EXT2: variants seen among roughly 807,000 people sequenced by gnomAD.
The protein encoded by EXT2 is exostosin glycosyltransferase 2.
Under a neutral mutation model 81.6 loss-of-function variants are expected in EXT2, and 53 were observed. That is an observed-to-expected ratio of 0.65 (90% CI 0.52 to 0.82). EXT2 has a LOEUF of 0.82. EXT2 is among the 40% of genes least tolerant of loss of function. The probability of loss-of-function intolerance (pLI) is 0.00; values close to 1 mark genes in which losing one functional copy is unlikely to be tolerated. For missense variants in EXT2, 774 were observed against 910.2 expected (o/e 0.85, Z 1.93); for synonymous variants, 320 against 340.0 (o/e 0.94, Z 0.65).
intron 7 of EXT2, among the ~76,000 whole-genome samples, chr11:44,133,723 C>G (rs1010488987): frequency 6.6e-6 from 1 of 152,144 alleles, no homozygotes; most frequent in African/African-American, 2.4e-5. Context: ...GGATTTTACT[C>G]TCCCTAGATG....
chr11:44,171,791 G>C, intron 8 of EXT2, 49 bp downstream of exon 8: 1 of 1,612,086 alleles, frequency 6.2e-7, no homozygotes, highest in Non-Finnish European at 8.5e-7. Context: ...CAGCTGTCAG[G>C]GTGGGTGGAA....
intron 9 of EXT2, among the ~76,000 whole-genome samples, chr11:44,201,363 G>A (rs925887012): frequency 2.6e-5 from 4 of 152,206 alleles, no homozygotes; most frequent in Non-Finnish European, 4.4e-5. Flanking sequence ...AGATGATAGT[G>A]ATATAACCAT....
chr11:44,157,962 T>G (rs903795132), intron 7 of EXT2, among the ~76,000 whole-genome samples: 163 of 152,152 alleles, frequency 1.1e-3, no homozygotes, highest in African/African-American at 3.9e-3. Flanking sequence ...ACTGGGCCCT[T>G]CTCTTCAAGG....
chr11:44,113,385 A>G (rs1954173276), intron 3 of EXT2, among the ~76,000 whole-genome samples: 1 of 152,062 alleles, frequency 6.6e-6, no homozygotes, highest in Admixed American at 6.5e-5. Context: ...GTCCTGGGAG[A>G]GAATAACAGT....
intron 9 of EXT2, among the ~76,000 whole-genome samples, chr11:44,198,377 C>G (rs1176346647): frequency 2.0e-5 from 3 of 150,726 alleles, no homozygotes; most frequent in Non-Finnish European, 4.4e-5. Context: ...TGATGCTGTA[C>G]TTTCTCAAAA....
chr11:44,183,623 C>T (rs886148143), intron 8 of EXT2, among the ~76,000 whole-genome samples: 12 of 151,382 alleles, frequency 7.9e-5, no homozygotes, highest in African/African-American at 1.9e-4. Context: ...TGTTTTGTTT[C>T]GTTCATCAGG....
At position 44,107,893 on chromosome 11, in the gene EXT2, C is replaced by T. The variant is rs373148112; in HGVS notation, c.181C>T (p.Arg61Cys). The T allele has an allele frequency of 8.7e-6, 14 of 1,614,080 alleles. No homozygotes were observed. Among genetic ancestry groups the T allele is most frequent in the Non-Finnish European group, 1.1e-5 (13 of 1,180,048 alleles). ...ESSNDWNVEK[R>C]SIRDVPVVRL... ...CTCAAATGACTGGAATGTAGAGAAG[C>T]GCAGCATCCGTGATGTGCCGGTTGT... The change falls in exon 2 of 14, where the codon CGC (arginine) becomes TGC (cysteine). Residue 61 changes from arginine to cysteine, a missense_variant. This residue lies in a region of EXT2 where 626 missense variants were observed against 670.5 expected (regional missense o/e 0.93). Transcript: ENST00000533608.
chr11:44,178,736 C>T (rs1955192790), intron 8 of EXT2, among the ~76,000 whole-genome samples: 12 of 152,088 alleles, frequency 7.9e-5, no homozygotes, highest in Admixed American at 7.9e-4. Flanking sequence ...GAAAGCCTAC[C>T]CTGCCCCCCA....
At chr11:44,147,956 C>T (rs1954743430) in intron 7 of EXT2, among the ~76,000 whole-genome samples, 1 of 152,010 alleles carries the variant, frequency 6.6e-6, no homozygotes, top group African/African-American at 2.4e-5. Flanking sequence ...GAGCATCACG[C>T]TTGGAGCAAG....
chr11:44,132,362 G>A (rs1954505594), intron 7 of EXT2, among the ~76,000 whole-genome samples: 1 of 152,184 alleles, frequency 6.6e-6, no homozygotes, highest in Admixed American at 6.5e-5. Context: ...CAGTTGAGAA[G>A]GAATGAATGC....
Position 44,197,818 on chromosome 11 carries a change from T to C in EXT2, c.1306-11T>C. 1 of 1,613,822 alleles carries C rather than the reference T, an allele frequency of 6.2e-7. No homozygotes were observed. Among genetic ancestry groups the C allele is most frequent in the East Asian group, 2.2e-5 (1 of 44,856 alleles). ...TGCTTTTCTGACCCGTGTTAATCTGTCCTCTTGTAGAAGTGGGGCAGCGTG... is the reference window on the plus strand; with the variant it reads ...TGCTTTTCTGACCCGTGTTAATCTGCCCTCTTGTAGAAGTGGGGCAGCGTG... On this transcript the variant is annotated splice_polypyrimidine_tract_variant and intron_variant, in intron 8 of 13. Coordinates refer to ENST00000533608, the MANE Select transcript of EXT2 (RefSeq NM_207122.2).
chr11:44,230,710 A>G (rs1353164377), intron 10 of EXT2, among the ~76,000 whole-genome samples: 1 of 152,178 alleles, frequency 6.6e-6, no homozygotes, highest in East Asian at 1.9e-4. Flanking sequence ...ACATTTCCCG[A>G]TATGTTTCAG....
intron 10 of EXT2, among the ~76,000 whole-genome samples, chr11:44,223,785 G>GGACTATAGGCACCCGC (rs1955808106): frequency 6.6e-6 from 1 of 151,674 alleles, no homozygotes; most frequent in Non-Finnish European, 1.5e-5. Context: ...CTAGTAGCTG[G>GGACTATAGGCACCCGC]GACTATAGGC....
chr11:44,123,646 T>C (rs1403807160), intron 4 of EXT2, among the ~76,000 whole-genome samples: 1 of 152,202 alleles, frequency 6.6e-6, no homozygotes, highest in African/African-American at 2.4e-5. Flanking sequence ...AAATCTAAAA[T>C]ATTTCAATGA....
chr11:44,119,124 T>TTATATATATA (rs200249806), intron 4 of EXT2, among the ~76,000 whole-genome samples: 72 of 25,556 alleles, frequency 2.8e-3, no homozygotes, highest in Non-Finnish European at 3.5e-3. Flanking sequence ...ATTTGGCTAT[T>TTATATATATA]TATATATATA....
At chr11:44,107,106 T>C (rs1378210941) in intron 1 of EXT2, among the ~76,000 whole-genome samples, 2 of 152,092 alleles carry the variant, frequency 1.3e-5, no homozygotes, top group East Asian at 3.8e-4. Context: ...TTTAAGTAAA[T>C]GTATATTGAT....
chr11:44,223,389 T>G (rs1955802843), intron 10 of EXT2, among the ~76,000 whole-genome samples: 1 of 152,164 alleles, frequency 6.6e-6, no homozygotes, highest in South Asian at 2.1e-4. Context: ...CAGGCATCCT[T>G]CAGTGGATAA....
At chr11:44,107,463 G>A (rs1361508145) in intron 1 of EXT2, among the ~76,000 whole-genome samples, 1 of 152,056 alleles carries the variant, frequency 6.6e-6, no homozygotes, top group Non-Finnish European at 1.5e-5. Flanking sequence ...GGGCGTGGTG[G>A]TCACAGTTAC....
chr11:44,222,677 A>G (rs1402167581), intron 10 of EXT2, among the ~76,000 whole-genome samples: 3 of 152,182 alleles, frequency 2.0e-5, no homozygotes, highest in Admixed American at 2.0e-4. Flanking sequence ...GAAACCATAA[A>G]ACTTTTAGGA....
Sources: allele counts gnomAD v4.1 joint callset (sites outside exome capture counted in the v4.1 genomes callset), GRCh38; gene constraint gnomAD v4.1.1; regional missense constraint gnomAD v4.1.1; transcripts MANE v1.5; gene names NCBI Gene and HGNC (gene_info 2026-07-23, HGNC 2026-07-21).